The following MORN1 variants were observed in gnomAD, a reference collection of about 807,000 sequenced individuals.
The protein encoded by MORN1 is MORN repeat containing 1, also known as MORN repeat-containing protein 1.
In MORN1, 67 loss-of-function variants were observed where a neutral mutation model predicts 61.9. The ratio of observed to expected loss-of-function variants is 1.08; its 90% confidence interval spans 0.89 to 1.33. The LOEUF (loss-of-function observed/expected upper bound fraction) is 1.33. Ranked by LOEUF, MORN1 falls within the 40% of genes most tolerant of loss-of-function variation. MORN1 has a pLI of 0.00. For missense variants in MORN1, 752 were observed against 691.2 expected (o/e 1.09, Z -0.99); for synonymous variants, 301 against 292.0 (o/e 1.03, Z -0.31).
intron 8 of MORN1, among the ~76,000 whole-genome samples, chr1:2,368,355 T>A (rs1642039898): frequency 6.6e-6 from 1 of 152,236 alleles, no homozygotes; most frequent in Non-Finnish European, 1.5e-5. Flanking sequence ...CAGGGCAGTG[T>A]CGCAGTCATA....
intron 12 of MORN1, among the ~76,000 whole-genome samples, chr1:2,330,690 C>T (rs1048067307): frequency 1.3e-5 from 2 of 152,196 alleles, no homozygotes; most frequent in East Asian, 1.9e-4. Context: ...GCTTGGATGC[C>T]GACAGCCACC....
At chr1:2,322,195 C>T in intron 13 of MORN1, 6 of 985,380 alleles carry the variant, frequency 6.1e-6, no homozygotes, top group Middle Eastern at 5.2e-4. Flanking sequence ...TGGAGAGCTT[C>T]AAAGTTGGAG....
Position 2,357,025 on chromosome 1 carries a change from G to C in MORN1, c.1036+407C>G, listed in dbSNP as rs544332605. ...AAACCCTGACCTCGAGAGAGCAGTC[G>C]GCGCCGCGGCCCCCAGAGCCATGGC... On this transcript the variant is annotated intron_variant, in intron 10 of 13. Coordinates refer to ENST00000378531, the MANE Select transcript of MORN1 (RefSeq NM_024848.3). The surrounding 1 kb of genome is among the most constrained non-coding windows in gnomAD (Gnocchi z 6.3). Among the ~76,000 whole-genome samples, 3 of 152,138 alleles carry C rather than the reference G, an allele frequency of 2.0e-5. No homozygotes were observed. Among genetic ancestry groups the C allele is most frequent in the Non-Finnish European group, 4.4e-5 (3 of 68,010 alleles).
chr1:2,378,615 C>G, intron 6 of MORN1: 1 of 276,270 alleles, frequency 3.6e-6, no homozygotes, highest in South Asian at 3.7e-5. Context: ...AGCCAACACT[C>G]ACGGCGCAGC....
At chr1:2,379,451 T>C (rs1243748436) in intron 6 of MORN1, among the ~76,000 whole-genome samples, 1 of 152,152 alleles carries the variant, frequency 6.6e-6, no homozygotes, top group Non-Finnish European at 1.5e-5. Context: ...GTGGCCCTGA[T>C]CGATGGTTTA....
chr1:2,328,839 C>T (rs1008169520), intron 12 of MORN1, among the ~76,000 whole-genome samples: 1 of 152,174 alleles, frequency 6.6e-6, no homozygotes, highest in Non-Finnish European at 1.5e-5. Context: ...GAGAATGTGC[C>T]GGCACCAGGG....
intron 6 of MORN1, among the ~76,000 whole-genome samples, chr1:2,383,835 G>T (rs911572776): frequency 6.6e-6 from 1 of 152,162 alleles, no homozygotes; most frequent in African/African-American, 2.4e-5. Context: ...CCAGCATGGG[G>T]GATGGCTTGG....
intron 12 of MORN1, among the ~76,000 whole-genome samples, chr1:2,330,571 TA>T: frequency 6.6e-6 from 1 of 152,086 alleles, no homozygotes; most frequent in South Asian, 2.1e-4. Context: ...TCTTTTCAAG[TA>T]AAAAAAATTA....
intron 12 of MORN1, among the ~76,000 whole-genome samples, chr1:2,330,844 C>A (rs199551152): frequency 1.3e-5 from 2 of 152,192 alleles, no homozygotes; most frequent in African/African-American, 4.8e-5. Context: ...CAGGGCCACC[C>A]CCACCGTTCC....
chr1:2,361,386 G>A lies in MORN1; in HGVS notation c.746-2671C>T, dbSNP rs184864466. Among the ~76,000 whole-genome samples, 719 of 152,042 alleles carry A rather than the reference G, an allele frequency of 4.7e-3. 1 individual carries two copies. The highest frequency in any genetic ancestry group is 8.4e-3 in the Non-Finnish European group (569 of 67,974). On this transcript the variant is annotated intron_variant, in intron 8 of 13. Coordinates refer to ENST00000378531, the MANE Select transcript of MORN1 (RefSeq NM_024848.3). ...AGCCTGGCCAACATGTCAAAACCCC[G>A]TCTCTACTAAAAATACAAAAAATTA...
intron 10 of MORN1, among the ~76,000 whole-genome samples, chr1:2,347,072 A>G (rs1641534782): frequency 6.6e-6 from 1 of 151,998 alleles, no homozygotes; most frequent in Non-Finnish European, 1.5e-5. Flanking sequence ...TTCTTGGGAG[A>G]TGGGGAGCTC....
At chr1:2,367,990 A>G (rs1178318081) in intron 8 of MORN1, among the ~76,000 whole-genome samples, 2 of 152,242 alleles carry the variant, frequency 1.3e-5, no homozygotes, top group Non-Finnish European at 2.9e-5. Context: ...CAGACTAAGC[A>G]AAGTCTTCAT....
chr1:2,322,066 C>A, intron 13 of MORN1: 2 of 985,412 alleles, frequency 2.0e-6, no homozygotes, highest in Non-Finnish European at 2.4e-6. Flanking sequence ...TGAAGCCCCG[C>A]CCTGGCCCCT....
intron 10 of MORN1, among the ~76,000 whole-genome samples, chr1:2,338,972 G>A (rs2100260799): frequency 6.6e-6 from 1 of 152,230 alleles, no homozygotes; most frequent in East Asian, 1.9e-4. Flanking sequence ...AGTTCAGCAG[G>A]AAGAGGACAG....
intron 6 of MORN1, chr1:2,378,804 G>A: frequency 5.0e-6 from 2 of 403,056 alleles, no homozygotes; most frequent in South Asian, 3.5e-5. Context: ...GCAGTAAGCT[G>A]TAAACTAGGA....
intron 8 of MORN1, among the ~76,000 whole-genome samples, chr1:2,365,268 G>A (rs1235042147): frequency 1.4e-5 from 2 of 147,932 alleles, no homozygotes; most frequent in African/African-American, 4.9e-5. Flanking sequence ...CCTTGAAGAG[G>A]TCCTTCACGT....
At chr1:2,329,776 T>C (rs1456981899) in intron 12 of MORN1, among the ~76,000 whole-genome samples, 1 of 152,174 alleles carries the variant, frequency 6.6e-6, no homozygotes, top group Admixed American at 6.5e-5. Context: ...CTATTTCAGA[T>C]AGTGTTCCCC....
chr1:2,325,287 CCTCTCTCT>C (rs59175712), intron 12 of MORN1, among the ~76,000 whole-genome samples: 2 of 136,358 alleles, frequency 1.5e-5, no homozygotes, highest in South Asian at 4.8e-4. Flanking sequence ...CTCTCTCTCT[CCTCTCTCT>C]CTCTCTCTCT....
intron 3 of MORN1, 127 bp downstream of exon 3, chr1:2,388,112 G>A: frequency 1.4e-6 from 1 of 720,846 alleles, no homozygotes; most frequent in Admixed American, 2.4e-5. Flanking sequence ...TTCTCGGTAG[G>A]CCAGGCCTCT....
Sources: allele counts gnomAD v4.1 joint callset (sites outside exome capture counted in the v4.1 genomes callset), GRCh38; gene constraint gnomAD v4.1.1; non-coding constraint Gnocchi (gnomAD v3.1); transcripts MANE v1.5; gene names NCBI Gene and HGNC (gene_info 2026-07-23, HGNC 2026-07-21).